PBRM1: variants seen among roughly 807,000 people sequenced by gnomAD.
PBRM1 encodes the protein polybromo 1, also known as protein polybromo-1.
Under a neutral mutation model 194.5 loss-of-function variants are expected in PBRM1, and 27 were observed. The observed-to-expected ratio is 0.14, with a 90% confidence interval of 0.10 to 0.19. PBRM1 has a LOEUF of 0.19. Among genes scored for constraint, PBRM1 ranks in the 10% least tolerant of loss-of-function variants. PBRM1 has a pLI of 1.00. For missense variants in PBRM1, 1,466 were observed against 2,077.2 expected (o/e 0.71, Z 5.72); for synonymous variants, 655 against 693.2 (o/e 0.94, Z 0.87).
exon 29 of PBRM1, chr3:52,550,592 G>C (rs764441740): frequency 6.5e-7 from 1 of 1,538,908 alleles, no homozygotes; most frequent in East Asian, 2.3e-5. Flanking sequence ...TGTGGGCCGG[G>C]ATATGGAGGT....
intron 17 of PBRM1, among the ~76,000 whole-genome samples, chr3:52,592,159 A>T: frequency 9.2e-6 from 1 of 108,472 alleles, no homozygotes; most frequent in African/African-American, 3.8e-5. Context: ...CTTGAGATGG[A>T]TTCTCGCTCT....
At chr3:52,627,525 C>A (rs1465698579) in intron 12 of PBRM1, among the ~76,000 whole-genome samples, 155 bp from the exon 14 acceptor site, 1 of 152,116 alleles carries the variant, frequency 6.6e-6, no homozygotes, top group Non-Finnish European at 1.5e-5. Flanking sequence ...TTTTCAATAA[C>A]CAATTTTAAC....
intron 17 of PBRM1, among the ~76,000 whole-genome samples, chr3:52,594,286 G>C (rs56815357): frequency 0.04 from 6,034 of 152,240 alleles, 403 homozygotes; most frequent in African/African-American, 0.14. Context: ...TATTATTTAG[G>C]ATAAGTCTTC....
intron 17 of PBRM1, among the ~76,000 whole-genome samples, chr3:52,592,630 A>T (rs2336146): frequency 6.6e-6 from 1 of 151,930 alleles, no homozygotes; most frequent in African/African-American, 2.4e-5. Flanking sequence ...TTTTTCTGTT[A>T]TCTCTGCCAG....
At chr3:52,563,054 TTTTAAATTATTAATGGTA>T (rs1429875795) in intron 24 of PBRM1, among the ~76,000 whole-genome samples, 4 of 152,154 alleles carry the variant, frequency 2.6e-5, no homozygotes, top group Non-Finnish European at 5.9e-5. Context: ...AAGATATTAA[TTTTAAATTATTAATGGTA>T]TTAATATAAA....
At chr3:52,617,529 G>A (rs757493879) in exon 14 of PBRM1, 3 of 1,606,430 alleles carry the variant, frequency 1.9e-6, no homozygotes, top group Non-Finnish European at 2.5e-6. Context: ...GCTTTCTTAT[G>A]TTCTTTTTAC....
At chr3:52,675,332 T>C (rs1326033448) in intron 2 of PBRM1, among the ~76,000 whole-genome samples, 1 of 152,178 alleles carries the variant, frequency 6.6e-6, no homozygotes, top group Non-Finnish European at 1.5e-5. Context: ...TCCAAAAAAT[T>C]GAAGAGGCGA....
At chr3:52,572,722 A>G (rs1339231327) in intron 22 of PBRM1, among the ~76,000 whole-genome samples, 2 of 152,228 alleles carry the variant, frequency 1.3e-5, no homozygotes, top group Non-Finnish European at 2.9e-5. Flanking sequence ...CGAAACTGAA[A>G]AAAGAACATA....
chr3:52,583,873 G>C (rs2091888262), intron 20 of PBRM1, among the ~76,000 whole-genome samples: 1 of 152,164 alleles, frequency 6.6e-6, no homozygotes, highest in African/African-American at 2.4e-5. Flanking sequence ...TGGAACTCCT[G>C]GCTTCAACTG....
intron 1 of PBRM1, chr3:52,685,402 C>T (rs751522260): frequency 1.5e-4 from 23 of 152,164 alleles, no homozygotes; most frequent in Non-Finnish European, 3.1e-4. Context: ...AAAAGAGGCC[C>T]TGAGCAACGG....
rs770161934 is a variant in PBRM1 at position 52,643,308 on chromosome 3, C to T, written c.935G>A (p.Gly312Asp). 2.5e-6 allele frequency: 4 copies of T among 1,613,836 alleles called. No individual in the cohort carries two copies. The Admixed American group carries it at 6.7e-5, about 27-fold the overall frequency. The change falls in exon 9 of 30, where the codon GGT (glycine) becomes GAT (aspartate). Residue 312 changes from glycine to aspartate, a missense_variant. Gly to Asp is a moderately conservative substitution (Grantham distance 94). This residue lies in a region of PBRM1 where 457 missense variants were observed against 591.6 expected (regional missense o/e 0.77). Transcript: ENST00000296302. The stretch of plus-strand genomic sequence containing the variant: ...AAGGCTGCCTTTACTGTGTGAAGGA[C>T]CTGTCAGTCTGGCTGCAGCCAAGTT...
intron 5 of PBRM1, among the ~76,000 whole-genome samples, chr3:52,652,767 G>C (rs1470175887): frequency 6.6e-6 from 1 of 152,042 alleles, no homozygotes; most frequent in Non-Finnish European, 1.5e-5. Context: ...GGATGCTGAG[G>C]CAGCTGGATC....
At chr3:52,547,338 T>C (rs997732375), downstream of PBRM1, 14 of 233,110 alleles carry the variant, frequency 6.0e-5, no homozygotes, top group African/African-American at 2.4e-4. Flanking sequence ...CTCAGCACAA[T>C]TGAAAAAGTG....
At chr3:52,587,029 C>T (rs990243304) in intron 19 of PBRM1, among the ~76,000 whole-genome samples, 3 of 151,792 alleles carry the variant, frequency 2.0e-5, no homozygotes, top group African/African-American at 7.3e-5. Flanking sequence ...GACAGACACA[C>T]AAAAGCACAC....
At chr3:52,576,504 A>T in intron 22 of PBRM1, 37 bp downstream of exon 24, 2 of 1,543,228 alleles carry the variant, frequency 1.3e-6, no homozygotes, top group Non-Finnish European at 1.8e-6. Flanking sequence ...ATTTTGATGG[A>T]ATAAACACGA....
chr3:52,681,620 A>C (rs2097207126), upstream of PBRM1: 2 of 589,380 alleles, frequency 3.4e-6, no homozygotes, highest in Non-Finnish European at 4.3e-6. Context: ...AGGATAACAA[A>C]AATTTAAGAA....
intron 19 of PBRM1, among the ~76,000 whole-genome samples, 183 bp from the exon 22 acceptor site, chr3:52,586,871 A>G (rs757300070): frequency 1.3e-5 from 2 of 152,122 alleles, no homozygotes; most frequent in Non-Finnish European, 2.9e-5. Context: ...TTCTTTGGCT[A>G]CGGAATGGAC....
intron 10 of PBRM1, among the ~76,000 whole-genome samples, chr3:52,639,777 A>T (rs2095999635): frequency 6.7e-6 from 1 of 148,920 alleles, no homozygotes; most frequent in African/African-American, 2.5e-5. Flanking sequence ...TTCTATGTCG[A>T]GCAGGCTGGT....
chr3:52,605,780 T>G (rs1239241091), intron 16 of PBRM1, among the ~76,000 whole-genome samples: 1 of 151,884 alleles, frequency 6.6e-6, no homozygotes, highest in Non-Finnish European at 1.5e-5. Context: ...TTTTTGTACT[T>G]TTAGTAGAAA....
Sources: allele counts gnomAD v4.1 joint callset (sites outside exome capture counted in the v4.1 genomes callset), GRCh38; gene constraint gnomAD v4.1.1; regional missense constraint gnomAD v4.1.1; transcripts MANE v1.5; gene names NCBI Gene and HGNC (gene_info 2026-07-23, HGNC 2026-07-21).